Variants in CCSER1 observed in about 807,000 individuals in gnomAD.
CCSER1 encodes coiled-coil serine rich protein 1, also known as serine-rich coiled-coil domain-containing protein 1.
CCSER1 carries 41 observed loss-of-function variants against 82.0 expected under a neutral mutation model. That is an observed-to-expected ratio of 0.50 (90% CI 0.39 to 0.65). The LOEUF (loss-of-function observed/expected upper bound fraction) is 0.65, where lower values mean the gene tolerates loss of function less well. CCSER1 is among the 30% of genes least tolerant of loss of function. The probability of loss-of-function intolerance (pLI) is 0.00; values close to 1 mark genes in which losing one functional copy is unlikely to be tolerated. For missense variants in CCSER1, 1,119 were observed against 1,064.2 expected, an observed-to-expected ratio of 1.05 and a Z score of -0.72; for synonymous variants, 414 against 383.9, an observed-to-expected ratio of 1.08 and a Z score of -0.92.
chr4:91,405,180 G>A (rs2149364591), intron 10 of CCSER1, among the ~76,000 whole-genome samples: 1 of 150,794 alleles, frequency 6.6e-6, no homozygotes, highest in African/African-American at 2.4e-5. Flanking sequence ...GATCTTTGTT[G>A]GTTTAATGTC....
rs145664941 is a variant in CCSER1, at chr4:90,433,783, G to A, written c.1603+33654G>A. Among the ~76,000 whole-genome samples, 1,180 of 151,734 alleles carry A rather than the reference G, an allele frequency of 7.8e-3. 15 individuals carry two copies. Among genetic ancestry groups the A allele is most frequent in the African/African-American group, 0.027 (1,107 of 41,404 alleles). ...AATAATATCATAATTTAAATCTTTT[G>A]CATAAAATTGCACCCTAATTTCTTA... On this transcript the variant is annotated intron_variant, in intron 4 of 10. Transcript: ENST00000509176.
rs542273101 is a variant in CCSER1 at position 90,297,889 on chromosome 4, G to A, written c.-41-10355G>A. Reference sequence around the variant, plus strand: ...AGCTTTTTGATGTGCTGCTGGATTCGGTTTGCCAGTATTTTATTGAGGATT... The same window carrying A: ...AGCTTTTTGATGTGCTGCTGGATTCAGTTTGCCAGTATTTTATTGAGGATT... On this transcript the variant is annotated intron_variant, in intron 1 of 10. Transcript: ENST00000509176. Among the ~76,000 whole-genome samples, 113 of 152,066 alleles carry A rather than the reference G, an allele frequency of 7.4e-4. 1 individual carries two copies. The highest frequency in any genetic ancestry group is 1.8e-3 in the African/African-American group (73 of 41,456).
chr4:91,278,713 T>C (rs1027208606), intron 10 of CCSER1, among the ~76,000 whole-genome samples: 2 of 152,172 alleles, frequency 1.3e-5, no homozygotes, highest in Admixed American at 6.5e-5. Context: ...GAGGTTTTTT[T>C]CTTGTCATTT....
intron 4 of CCSER1, among the ~76,000 whole-genome samples, chr4:90,406,318 T>G (rs749222425): frequency 2.0e-5 from 3 of 152,206 alleles, no homozygotes; most frequent in Non-Finnish European, 4.4e-5. Flanking sequence ...ATTGCAGTTC[T>G]AAATATATAT....
intron 7 of CCSER1, among the ~76,000 whole-genome samples, chr4:90,804,256 C>A (rs11732715): frequency 0.34 from 51,718 of 151,854 alleles, 9,007 homozygotes; most frequent in East Asian, 0.42. Flanking sequence ...TTTGCTGTTG[C>A]TTTTGGTGTT....
intron 5 of CCSER1, among the ~76,000 whole-genome samples, chr4:90,525,161 T>C (rs975253031): frequency 6.6e-5 from 10 of 152,178 alleles, no homozygotes; most frequent in Non-Finnish European, 1.5e-4. Context: ...ATCAATAGTT[T>C]CATATTCAAA....
At chr4:91,417,140 A>G (rs902064328) in intron 10 of CCSER1, among the ~76,000 whole-genome samples, 2 of 152,220 alleles carry the variant, frequency 1.3e-5, no homozygotes, top group Non-Finnish European at 2.9e-5. Context: ...AGAAATGCCA[A>G]TCAAAACCAC....
Position 90,368,079 on chromosome 4 carries a change from T to C in CCSER1, c.1510-31957T>C, listed in dbSNP as rs537497356. Among the ~76,000 whole-genome samples, 33 of 151,948 alleles carry C rather than the reference T, an allele frequency of 2.2e-4. 1 individual carries two copies. In the Middle Eastern group the frequency reaches 0.021, roughly 95 times the overall value. ...AACTCAAATGCCCCTCAGAAAAAAT[T>C]ATGAAGTTTCTCAGACTTCTACAAA... On this transcript the variant is annotated intron_variant, in intron 3 of 10. Transcript: ENST00000509176.
At chr4:90,658,126 A>C (rs1314636914) in intron 6 of CCSER1, among the ~76,000 whole-genome samples, 1 of 152,130 alleles carries the variant, frequency 6.6e-6, no homozygotes, top group East Asian at 1.9e-4. Flanking sequence ...AACAAACAAC[A>C]AAAAAACTCT....
chr4:91,389,120 C>G (rs1441036031), intron 10 of CCSER1, among the ~76,000 whole-genome samples: 1 of 151,992 alleles, frequency 6.6e-6, no homozygotes, highest in East Asian at 1.9e-4. Context: ...GGTGTTATAT[C>G]TAAAAATTCA....
intron 10 of CCSER1, among the ~76,000 whole-genome samples, chr4:91,457,439 G>A (rs1364895540): frequency 1.3e-5 from 2 of 152,016 alleles, no homozygotes; most frequent in Non-Finnish European, 2.9e-5. Context: ...CCCCAAGACA[G>A]GAGATCACTT....
chr4:91,358,925 C>T (rs1749055515), intron 10 of CCSER1, among the ~76,000 whole-genome samples: 1 of 152,116 alleles, frequency 6.6e-6, no homozygotes, highest in Non-Finnish European at 1.5e-5. Context: ...ATCCATCAGT[C>T]ACCTCGCTTC....
At chr4:90,354,862 C>G (rs954938034) in intron 3 of CCSER1, among the ~76,000 whole-genome samples, 10 of 151,844 alleles carry the variant, frequency 6.6e-5, no homozygotes, top group Non-Finnish European at 1.5e-4. Flanking sequence ...CAAATGCGGG[C>G]TTTTCTCAGT....
intron 7 of CCSER1, among the ~76,000 whole-genome samples, chr4:90,766,816 C>T (rs923019906): frequency 2.0e-5 from 3 of 151,936 alleles, no homozygotes; most frequent in Non-Finnish European, 2.9e-5. Flanking sequence ...TCCATTGATA[C>T]AGAAGTAGGG....
intron 7 of CCSER1, chr4:90,724,791 A>ATATTTTAACACTTTTATGACTGT (rs1398543252): frequency 3.8e-6 from 1 of 265,708 alleles, no homozygotes; most frequent in Non-Finnish European, 7.6e-6. Context: ...TTATGACTGC[A>ATATTTTAACACTTTTATGACTGT]ATATTTTAAC....
intron 7 of CCSER1, among the ~76,000 whole-genome samples, chr4:90,779,535 G>T (rs1222544303): frequency 6.6e-6 from 1 of 152,126 alleles, no homozygotes; most frequent in African/African-American, 2.4e-5. Flanking sequence ...ATTCCTAAAT[G>T]CTTTACTGAA....
intron 8 of CCSER1, among the ~76,000 whole-genome samples, chr4:90,917,130 A>G (rs1444797976): frequency 6.6e-6 from 1 of 152,224 alleles, no homozygotes; most frequent in Non-Finnish European, 1.5e-5. Context: ...ATCTAGAACT[A>G]GAAATACCAT....
chr4:90,340,188 T>C (rs1192986107), intron 3 of CCSER1, among the ~76,000 whole-genome samples: 1 of 152,186 alleles, frequency 6.6e-6, no homozygotes. Context: ...TACATATTAA[T>C]TTCTCTTTTG....
intron 10 of CCSER1, among the ~76,000 whole-genome samples, chr4:91,400,607 T>C (rs1752256167): frequency 6.6e-6 from 1 of 150,592 alleles, no homozygotes; most frequent in African/African-American, 2.4e-5. Flanking sequence ...ATATTTATAA[T>C]TGTACTCATC....
Sources: allele counts gnomAD v4.1 joint callset (sites outside exome capture counted in the v4.1 genomes callset), GRCh38; gene constraint gnomAD v4.1.1; transcripts MANE v1.5; gene names NCBI Gene and HGNC (gene_info 2026-07-23, HGNC 2026-07-21).